PDPR: variants seen among roughly 807,000 people sequenced by gnomAD.
PDPR encodes pyruvate dehydrogenase phosphatase regulatory subunit, also known as pyruvate dehydrogenase phosphatase regulatory subunit, mitochondrial.
A neutral mutation model predicts 102.2 loss-of-function variants in PDPR; 50 were observed. The observed-to-expected ratio is 0.49, with a 90% CI of 0.39 to 0.62. The LOEUF is 0.62. Ranked by LOEUF, PDPR falls within the 20% of genes least tolerant of loss-of-function variation. The pLI is 0.00. For missense variants in PDPR, 625 were observed against 1,098.2 expected (o/e 0.57, Z 6.09); for synonymous variants, 259 against 406.0 (o/e 0.64, Z 4.35).
chr16:70,116,143 A>T (rs3865167), intron 2 of PDPR, among the ~76,000 whole-genome samples: 2 of 143,224 alleles, frequency 1.4e-5, no homozygotes, highest in Non-Finnish European at 3.1e-5. Context: ...AGTGGCGCGA[A>T]TCTGCCCACT....
intron 9 of PDPR, among the ~76,000 whole-genome samples, chr16:70,133,733 GT>G (rs1317960412): frequency 6.8e-6 from 1 of 146,922 alleles, no homozygotes; most frequent in Non-Finnish European, 1.5e-5. Context: ...TCTTTTTTTT[GT>G]TTTTTTGTTT....
chr16:70,126,649 C>T (rs1172004075), intron 3 of PDPR, among the ~76,000 whole-genome samples: 1 of 152,280 alleles, frequency 6.6e-6, no homozygotes, highest in Non-Finnish European at 1.5e-5. Flanking sequence ...AGGCGTGAGC[C>T]ACCGCACTCA....
At chr16:70,155,826 G>C (rs916750923) in intron 18 of PDPR, among the ~76,000 whole-genome samples, 3 of 134,740 alleles carry the variant, frequency 2.2e-5, no homozygotes, top group African/African-American at 9.2e-5. Flanking sequence ...TTTTGAGACA[G>C]AGTTTTGCTG....
intron 9 of PDPR, among the ~76,000 whole-genome samples, chr16:70,135,714 C>T (rs1965058574): frequency 6.6e-6 from 1 of 152,382 alleles, no homozygotes; most frequent in South Asian, 2.1e-4. Context: ...GCAGCTATAT[C>T]CTGTAATTCT....
intron 17 of PDPR, among the ~76,000 whole-genome samples, chr16:70,151,206 T>C (rs1966711996): frequency 6.6e-6 from 1 of 152,256 alleles, no homozygotes; most frequent in South Asian, 2.1e-4. Flanking sequence ...AGTGCTGGGA[T>C]TACAGGCATG....
intron 2 of PDPR, among the ~76,000 whole-genome samples, chr16:70,115,699 T>C (rs918133520): frequency 6.6e-6 from 1 of 152,140 alleles, no homozygotes; most frequent in Non-Finnish European, 1.5e-5. Context: ...CTTGGTCTTG[T>C]TGGAATAAGC....
chr16:70,124,054 CAA>C (rs11428362), intron 3 of PDPR, among the ~76,000 whole-genome samples: 29 of 143,296 alleles, frequency 2.0e-4, no homozygotes, highest in Middle Eastern at 3.8e-3. Context: ...GACTCAGTCT[CAA>C]AAAAAAAAAA....
At chr16:70,150,931 C>A (rs1966684318) in intron 17 of PDPR, among the ~76,000 whole-genome samples, 1 of 152,328 alleles carries the variant, frequency 6.6e-6, no homozygotes. Flanking sequence ...AGATGCCCAG[C>A]TATCTTTTAT....
chr16:70,134,191 T>C lies in PDPR; in HGVS notation c.997+1891T>C, dbSNP rs1353326666. On this transcript the variant is annotated intron_variant, in intron 9 of 18. Transcript: ENST00000288050. ...CAGAATTGTTTTGTTAGTGTAGTAT[T>C]TTATTAAATTTTAAAATAATTTTAT... is the stretch of plus-strand genomic sequence containing the variant. Among the ~76,000 whole-genome samples, 9 of 152,332 alleles carry C rather than the reference T, an allele frequency of 5.9e-5. No homozygotes were observed. In the East Asian group the frequency reaches 1.7e-3, roughly 30 times the overall value.
At chr16:70,131,140 G>T (rs1243087558) in intron 7 of PDPR, among the ~76,000 whole-genome samples, 162 bp from the exon 8 acceptor site, 4 of 152,098 alleles carry the variant, frequency 2.6e-5, no homozygotes, top group Non-Finnish European at 5.9e-5. Context: ...ATGTAGTATT[G>T]CTCCCCATCC....
At chr16:70,163,231 A>C (rs1297415625), downstream of PDPR, among the ~76,000 whole-genome samples, 1 of 151,822 alleles carries the variant, frequency 6.6e-6, no homozygotes, top group African/African-American at 2.4e-5. Flanking sequence ...TACAGGCGTG[A>C]GCCACTGTGC....
Position 70,156,868 on chromosome 16 carries a change from C to A in PDPR, c.2629C>A (p.His877Asn). ...RKDDMELSDL[H>N]GK ...GGATGACATGGAGCTGAGTGACTTA[C>A]ATGGGAAGTGATGCCACCAGGGCAG... The change falls in exon 19 of 19, where the codon CAT becomes AAT. Residue 877 changes from histidine to asparagine, a missense_variant. Physicochemically the swap from His to Asn is moderately conservative, Grantham distance 68. This residue lies in a region of PDPR where 303 missense variants were observed against 258.9 expected (regional missense o/e 1.17). Coordinates refer to ENST00000288050, the MANE Select transcript of PDPR (RefSeq NM_017990.5). The A allele has an allele frequency of 6.2e-7, 1 of 1,613,464 alleles. No individual in the cohort carries two copies. The highest frequency in any genetic ancestry group is 2.2e-5 in the East Asian group (1 of 44,872).
At chr16:70,124,780 G>C (rs1178620729) in intron 3 of PDPR, among the ~76,000 whole-genome samples, 3 of 152,330 alleles carry the variant, frequency 2.0e-5, no homozygotes, top group African/African-American at 7.2e-5. Flanking sequence ...AATCTCTTTA[G>C]GGAGCTGACA....
chr16:70,153,622 A>C, intron 18 of PDPR, 49 bp downstream of exon 18: 1 of 1,514,494 alleles, frequency 6.6e-7, no homozygotes, highest in Non-Finnish European at 8.9e-7. Context: ...CCGAGTAGTG[A>C]ATCTGCACTA....
intron 10 of PDPR, among the ~76,000 whole-genome samples, chr16:70,137,119 G>A (rs56806278): frequency 2.6e-5 from 4 of 152,292 alleles, no homozygotes; most frequent in Non-Finnish European, 5.9e-5. Context: ...TTGGGAGGCC[G>A]AGGTGGGCGG....
At position 70,160,524 on chromosome 16, in the gene PDPR, A is replaced by G. The variant is rs962504035; in HGVS notation, c.*3645A>G. 6.5e-6 allele frequency: 1 copy of G among 152,696 alleles called. No individual in the cohort carries two copies. Among genetic ancestry groups the G allele is most frequent in the Non-Finnish European group, 1.5e-5 (1 of 68,386 alleles). 9.5% of individuals were successfully genotyped at this position (152,696 alleles called of 1,614,324 possible). ...TTCAGGCCAGAGACACAGAGACCAC[A>G]TAGCCCAGTGATTAAACCCCGGTTT... On this transcript the variant is annotated 3_prime_UTR_variant, in exon 19 of 19. Coordinates refer to ENST00000288050, the MANE Select transcript of PDPR (RefSeq NM_017990.5).
intron 18 of PDPR, among the ~76,000 whole-genome samples, chr16:70,153,847 C>A (rs1966861417): frequency 6.6e-6 from 1 of 152,140 alleles, no homozygotes; most frequent in Non-Finnish European, 1.5e-5. Context: ...GAGTTCGAGA[C>A]CAGCCTGGCC....
chr16:70,148,172 A>C (rs2152113240), intron 16 of PDPR, among the ~76,000 whole-genome samples: 1 of 152,364 alleles, frequency 6.6e-6, no homozygotes, highest in East Asian at 1.9e-4. Context: ...AGGACCTGGC[A>C]AAGAGGAATA....
At chr16:70,123,489 C>T (rs1445616761) in intron 3 of PDPR, among the ~76,000 whole-genome samples, 1 of 152,278 alleles carries the variant, frequency 6.6e-6, no homozygotes, top group African/African-American at 2.4e-5. Flanking sequence ...CCGCCCACCT[C>T]AACCTCCCAA....
Sources: allele counts gnomAD v4.1 joint callset (sites outside exome capture counted in the v4.1 genomes callset), GRCh38; gene constraint gnomAD v4.1.1; regional missense constraint gnomAD v4.1.1; transcripts MANE v1.5; gene names NCBI Gene and HGNC (gene_info 2026-07-23, HGNC 2026-07-21).